The following GNG7 variants were observed in gnomAD, a reference collection of about 807,000 sequenced individuals.
GNG7 encodes the protein G protein subunit gamma 7.
In GNG7, 1 loss-of-function variant was observed where a neutral mutation model predicts 4.0. The ratio of observed to expected loss-of-function variants is 0.25; its 90% CI spans 0.09 to 1.18. GNG7 has a LOEUF of 1.18. GNG7 is among the 50% of genes most tolerant of loss of function. The pLI is 0.50. For synonymous variants in GNG7, 34 were observed against 36.9 expected, an observed-to-expected ratio of 0.92 and a Z score of 0.29; for missense variants, 86 against 91.9, an observed-to-expected ratio of 0.94 and a Z score of 0.26.
chr19:2,665,170 C>A (rs1312917954), intron 1 of GNG7, among the ~76,000 whole-genome samples: 1 of 152,186 alleles, frequency 6.6e-6, no homozygotes, highest in Non-Finnish European at 1.5e-5. Context: ...TCCATTTCTT[C>A]TCCAAATAAT....
intron 3 of GNG7, among the ~76,000 whole-genome samples, chr19:2,521,620 T>TTG (rs897902853): frequency 1.4e-5 from 2 of 143,634 alleles, no homozygotes. Flanking sequence ...GTGTTTTTTT[T>TTG]TTTTTTTTTT....
At position 2,551,380 on chromosome 19, in the gene GNG7, C is replaced by T. The variant is rs757546272; in HGVS notation, c.-38+3769G>A. On this transcript the variant is annotated intron_variant, in intron 3 of 4. Coordinates refer to ENST00000382159, the MANE Select transcript of GNG7 (RefSeq NM_052847.3). ...CCAGGTTTTAAATCATCACTGTCTT[C>T]GTCGTCATCCTGAGTGTCATTTGTG... 3.4e-4 allele frequency among the ~76,000 whole-genome samples: 51 copies of T among 152,062 alleles called. 1 individual carries two copies. The highest frequency in any genetic ancestry group is 1.9e-3 in the South Asian group (9 of 4,832).
intron 2 of GNG7, among the ~76,000 whole-genome samples, chr19:2,619,958 A>G (rs10401291): frequency 6.7e-6 from 1 of 149,322 alleles, no homozygotes; most frequent in Non-Finnish European, 1.5e-5. Flanking sequence ...TTTTGGGAGG[A>G]CGAGGGGGGG....
At chr19:2,696,996 G>A (rs1001679591) in intron 1 of GNG7, among the ~76,000 whole-genome samples, 2 of 152,094 alleles carry the variant, frequency 1.3e-5, no homozygotes, top group African/African-American at 2.4e-5. Context: ...GGGATTACAG[G>A]CGCCCGGCTA....
At position 2,626,262 on chromosome 19, in the gene GNG7, C is replaced by T. The variant is rs1221796904; in HGVS notation, c.-78+19962G>A. On this transcript the variant is annotated intron_variant, in intron 2 of 4. Transcript: ENST00000382159. This position sits in a 1 kb window ranked among gnomAD's most constrained non-coding sequence, Gnocchi z 5.0. ...CAGGCCTGAAGCCGGCCCCCTGCCC[C>T]AAACCAGCCTGACCAGCGGCACCGT... 6.6e-6 allele frequency among the ~76,000 whole-genome samples: 1 copy of T among 152,190 alleles called. No individual in the cohort carries two copies. Among genetic ancestry groups the T allele is most frequent in the Admixed American group, 6.5e-5 (1 of 15,280 alleles).
chr19:2,639,035 G>A (rs556400951), intron 2 of GNG7, among the ~76,000 whole-genome samples: 28 of 152,022 alleles, frequency 1.8e-4, no homozygotes, highest in Non-Finnish European at 2.5e-4. Flanking sequence ...TCAGGGGTTC[G>A]ACACCAGCCT....
chr19:2,576,084 C>T (rs891055700), intron 2 of GNG7, among the ~76,000 whole-genome samples: 1 of 74,946 alleles, frequency 1.3e-5, no homozygotes. Flanking sequence ...CATGCAGACA[C>T]ACACACAGAC....
chr19:2,627,211 T>A (rs758566315), intron 2 of GNG7, among the ~76,000 whole-genome samples: 2 of 151,546 alleles, frequency 1.3e-5, no homozygotes, highest in Non-Finnish European at 2.9e-5. Context: ...CGCTGGGTGA[T>A]GTCTGGGGAT....
intron 4 of GNG7, among the ~76,000 whole-genome samples, chr19:2,518,460 C>T (rs1978293193): frequency 1.3e-5 from 2 of 152,302 alleles, no homozygotes; most frequent in South Asian, 4.1e-4. Context: ...ATTCAGACAC[C>T]TCGTGGGAGG....
chr19:2,633,770 C>T lies in GNG7; in HGVS notation c.-78+12454G>A, dbSNP rs952664977. Among the ~76,000 whole-genome samples the T allele has an allele frequency of 6.6e-6, 1 of 152,114 alleles. No homozygotes were observed. The highest frequency in any genetic ancestry group is 6.5e-5 in the Admixed American group (1 of 15,278). Reference sequence around the variant, plus strand: ...AGAGGACAGAAGCCTGCTCTCAACTCACCCGGGAGGCAGGTTCTTCTGCAC... The same window carrying T: ...AGAGGACAGAAGCCTGCTCTCAACTTACCCGGGAGGCAGGTTCTTCTGCAC... On this transcript the variant is annotated intron_variant, in intron 2 of 4. Transcript: ENST00000382159. The surrounding 1 kb of genome is among the most constrained non-coding windows in gnomAD (Gnocchi z 5.9).
chr19:2,540,989 GCTT>G (rs1978942872), intron 3 of GNG7, among the ~76,000 whole-genome samples: 1 of 152,260 alleles, frequency 6.6e-6, no homozygotes. Flanking sequence ...GCCGGTGGAG[GCTT>G]CTGAGAGCTG....
At position 2,662,611 on chromosome 19, in the gene GNG7, T is replaced by C. The variant is rs562592567; in HGVS notation, c.-134-16331A>G. Among the ~76,000 whole-genome samples, 15 of 152,284 alleles carry C rather than the reference T, an allele frequency of 9.9e-5. No individual in the cohort carries two copies. In the South Asian group the frequency reaches 3.1e-3, roughly 32 times the overall value. On this transcript the variant is annotated intron_variant, in intron 1 of 4. Coordinates refer to ENST00000382159, the MANE Select transcript of GNG7 (RefSeq NM_052847.3). ...CAAAGAATACAGACGAAAAGATGCA[T>C]AGGATGAGGTATAGGGAAGAAGGGC...
chr19:2,649,995 C>T (rs1026466922), intron 1 of GNG7, among the ~76,000 whole-genome samples: 5 of 151,990 alleles, frequency 3.3e-5, no homozygotes, highest in Non-Finnish European at 5.9e-5. Context: ...CTGAGTGTGA[C>T]GTCCTCAAGG....
rs1469772817 is a variant in GNG7 at position 2,569,478 on chromosome 19, G to T, written c.-77-14290C>A. On this transcript the variant is annotated intron_variant, in intron 2 of 4. Coordinates refer to ENST00000382159, the MANE Select transcript of GNG7 (RefSeq NM_052847.3). Reference sequence around the variant, plus strand: ...TTTTAGTAGAGACGAGGGTTCACCGGGTTAGCCAGGATGGTCTCGATCTCC... The same window carrying T: ...TTTTAGTAGAGACGAGGGTTCACCGTGTTAGCCAGGATGGTCTCGATCTCC... 2.6e-5 allele frequency among the ~76,000 whole-genome samples: 4 copies of T among 152,078 alleles called. No homozygotes were observed. The East Asian group carries it at 7.7e-4, about 29-fold the overall frequency.
intron 2 of GNG7, among the ~76,000 whole-genome samples, chr19:2,573,704 G>A (rs113189844): frequency 4.6e-5 from 7 of 152,180 alleles, no homozygotes; most frequent in South Asian, 2.1e-4. Flanking sequence ...TTAGCCAGGC[G>A]TGGTCGTGGG....
At chr19:2,590,954 C>CACAT (rs750820281) in intron 2 of GNG7, among the ~76,000 whole-genome samples, 7 of 152,168 alleles carry the variant, frequency 4.6e-5, no homozygotes, top group Non-Finnish European at 1.0e-4. Context: ...TCCATCCATC[C>CACAT]ACATACATAC....
chr19:2,641,614 G>T (rs1982509123), intron 2 of GNG7, among the ~76,000 whole-genome samples: 1 of 152,048 alleles, frequency 6.6e-6, no homozygotes, highest in Non-Finnish European at 1.5e-5. Context: ...CCCACACCTT[G>T]ATTTTCCATG....
At chr19:2,596,087 G>C (rs932082014) in intron 2 of GNG7, among the ~76,000 whole-genome samples, 1 of 152,112 alleles carries the variant, frequency 6.6e-6, no homozygotes, top group East Asian at 1.9e-4. Context: ...GGCCGGGCGC[G>C]GTGGCTCATA....
chr19:2,627,025 A>G (rs7254152), intron 2 of GNG7, among the ~76,000 whole-genome samples: 28,888 of 152,090 alleles, frequency 0.19, 5,004 homozygotes, highest in African/African-American at 0.47. Context: ...TAAACCCGGG[A>G]GCCCCAGCTC....
Sources: gnomAD v4.1 joint callset for allele counts (sites outside exome capture counted in the v4.1 genomes callset) on GRCh38, gnomAD v4.1.1 for gene constraint, Gnocchi (gnomAD v3.1) non-coding constraint, MANE v1.5 for transcripts, NCBI Gene and HGNC (gene_info 2026-07-23, HGNC 2026-07-21) for gene names.